The following ADGRL3 variants were observed in gnomAD, a reference collection of about 807,000 sequenced individuals.
ADGRL3 encodes the protein adhesion G protein-coupled receptor L3, also known as calcium-independent alpha-latrotoxin receptor 3.
ADGRL3 carries 62 observed loss-of-function variants against 153.5 expected under a neutral mutation model. The ratio of observed to expected loss-of-function variants is 0.40; its 90% CI spans 0.33 to 0.50. ADGRL3 has a LOEUF of 0.50. Ranked by LOEUF, ADGRL3 falls within the 20% of genes least tolerant of loss-of-function variation. ADGRL3 has a pLI of 0.47. For missense variants in ADGRL3, 1,641 were observed against 1,859.4 expected (o/e 0.88, Z 2.16); for synonymous variants, 710 against 672.5 (o/e 1.06, Z -0.86).
At chr4:61,468,897 G>T (rs1268034548) in intron 2 of ADGRL3, among the ~76,000 whole-genome samples, 2 of 152,070 alleles carry the variant, frequency 1.3e-5, no homozygotes, top group East Asian at 3.9e-4. Context: ...CAGGGAAAAT[G>T]AAAGATAAAA....
chr4:61,540,537 G>C (rs1026063709), intron 4 of ADGRL3, among the ~76,000 whole-genome samples: 1 of 149,992 alleles, frequency 6.7e-6, no homozygotes, highest in Admixed American at 6.7e-5. Flanking sequence ...GACAGAGCGA[G>C]ACTCTGTCTC....
chr4:61,857,810 T>C (rs2098295109), intron 9 of ADGRL3, among the ~76,000 whole-genome samples: 1 of 152,018 alleles, frequency 6.6e-6, no homozygotes, highest in Non-Finnish European at 1.5e-5. Flanking sequence ...TTCACCAGGC[T>C]CAAGCAATCC....
At chr4:61,469,656 G>T (rs1230092730) in intron 2 of ADGRL3, among the ~76,000 whole-genome samples, 1 of 152,036 alleles carries the variant, frequency 6.6e-6, no homozygotes, top group Non-Finnish European at 1.5e-5. Flanking sequence ...TAGATAAAGA[G>T]AATAAATAAA....
intron 1 of ADGRL3, among the ~76,000 whole-genome samples, chr4:61,353,844 T>C (rs1271655848): frequency 6.6e-6 from 1 of 151,992 alleles, no homozygotes; most frequent in Admixed American, 6.6e-5. Flanking sequence ...GGCATAAATA[T>C]GTGTGTTACA....
intron 8 of ADGRL3, among the ~76,000 whole-genome samples, chr4:61,737,611 T>A (rs2096534365): frequency 6.6e-6 from 1 of 152,214 alleles, no homozygotes; most frequent in African/African-American, 2.4e-5. Flanking sequence ...TATATTTTAA[T>A]GAGAAAATAT....
At chr4:61,602,772 A>T (rs2149545689) in intron 5 of ADGRL3, among the ~76,000 whole-genome samples, 1 of 152,306 alleles carries the variant, frequency 6.6e-6, no homozygotes, top group East Asian at 1.9e-4. Context: ...TATGCAGAAC[A>T]ATCACAAAAC....
At chr4:61,724,626 T>C (rs1255276952) in intron 6 of ADGRL3, among the ~76,000 whole-genome samples, 1 of 152,164 alleles carries the variant, frequency 6.6e-6, no homozygotes, top group Non-Finnish European at 1.5e-5. Context: ...TGGGTATTAT[T>C]TGAAAAACAT....
rs192337398 is a variant in ADGRL3 at position 61,463,996 on chromosome 4, G to A, written c.-173-33125G>A. On this transcript the variant is annotated intron_variant, in intron 2 of 26. Coordinates refer to ENST00000683033, the MANE Select transcript of ADGRL3 (RefSeq NM_001387552.1). ...AGGGCTCAACAGACATTCCCCAAAG[G>A]GCCAGAGAATATCTCTATTACAACT... 1.8e-4 allele frequency among the ~76,000 whole-genome samples: 27 copies of A among 152,172 alleles called. 1 individual carries two copies. The highest frequency in any genetic ancestry group is 6.5e-4 in the African/African-American group (27 of 41,526).
At chr4:61,455,182 T>C (rs541352105) in intron 2 of ADGRL3, among the ~76,000 whole-genome samples, 1 of 152,286 alleles carries the variant, frequency 6.6e-6, no homozygotes, top group South Asian at 2.1e-4. Flanking sequence ...TCAAAGAGTT[T>C]AGTTATTTCT....
chr4:61,741,423 A>G (rs1269294709), intron 8 of ADGRL3, among the ~76,000 whole-genome samples: 1 of 152,242 alleles, frequency 6.6e-6, no homozygotes, highest in Non-Finnish European at 1.5e-5. Context: ...CTGTATTTTT[A>G]TGCATCAGCT....
intron 4 of ADGRL3, among the ~76,000 whole-genome samples, chr4:61,545,528 C>G (rs2098709321): frequency 6.6e-6 from 1 of 152,186 alleles, no homozygotes; most frequent in Non-Finnish European, 1.5e-5. Context: ...CTCCCTGTCT[C>G]TCCTTCTCTG....
intron 17 of ADGRL3, among the ~76,000 whole-genome samples, chr4:61,970,865 G>A (rs572505219): frequency 2.0e-5 from 3 of 152,200 alleles, no homozygotes; most frequent in African/African-American, 4.8e-5. Flanking sequence ...GAGCTTGTGA[G>A]GTGACCTCTG....
At chr4:61,999,395 T>G (rs554139867) in intron 21 of ADGRL3, among the ~76,000 whole-genome samples, 1 of 152,334 alleles carries the variant, frequency 6.6e-6, no homozygotes, top group South Asian at 2.1e-4. Flanking sequence ...TTGCAGTCCT[T>G]GATATAACAA....
At chr4:62,029,664 C>A (rs1356309015) in intron 22 of ADGRL3, among the ~76,000 whole-genome samples, 1 of 149,898 alleles carries the variant, frequency 6.7e-6, no homozygotes, top group African/African-American at 2.4e-5. Flanking sequence ...TTCTCCAGTG[C>A]CATTTCACTT....
chr4:61,482,764 T>C (rs1205129458), intron 2 of ADGRL3, among the ~76,000 whole-genome samples: 1 of 152,166 alleles, frequency 6.6e-6, no homozygotes, highest in African/African-American at 2.4e-5. Context: ...CAGGCTTTTA[T>C]ATTTAAAAGT....
chr4:61,902,660 C>T (rs2098671045), intron 11 of ADGRL3, among the ~76,000 whole-genome samples: 2 of 151,902 alleles, frequency 1.3e-5, no homozygotes, highest in Non-Finnish European at 2.9e-5. Flanking sequence ...GACTCCATGC[C>T]CCTCCCTCCT....
intron 23 of ADGRL3, among the ~76,000 whole-genome samples, chr4:62,032,209 T>C (rs1167720258): frequency 6.6e-6 from 1 of 151,528 alleles, no homozygotes; most frequent in Non-Finnish European, 1.5e-5. Flanking sequence ...AAGAGTTGTA[T>C]TATTAGAATG....
At chr4:61,685,651 T>C (rs1476070161) in intron 6 of ADGRL3, among the ~76,000 whole-genome samples, 1 of 152,064 alleles carries the variant, frequency 6.6e-6, no homozygotes, top group African/African-American at 2.4e-5. Flanking sequence ...AGAAAGACAG[T>C]GTGGCCAAAG....
intron 1 of ADGRL3, among the ~76,000 whole-genome samples, chr4:61,305,255 T>G (rs2094735166): frequency 1.3e-5 from 2 of 152,138 alleles, no homozygotes; most frequent in African/African-American, 4.8e-5. Flanking sequence ...ATATCTTCCT[T>G]GGAAGAATGA....
Sources: gnomAD v4.1 joint callset for allele counts (sites outside exome capture counted in the v4.1 genomes callset) on GRCh38, gnomAD v4.1.1 for gene constraint, MANE v1.5 for transcripts, NCBI Gene and HGNC (gene_info 2026-07-23, HGNC 2026-07-21) for gene names.